Variants in MYLK observed in about 807,000 individuals in gnomAD.
The protein encoded by MYLK is myosin light chain kinase, smooth muscle.
In MYLK, 106 loss-of-function variants were observed where a neutral mutation model predicts 203.4. That is an observed-to-expected ratio of 0.52 (90% CI 0.45 to 0.61). The LOEUF (loss-of-function observed/expected upper bound fraction) is 0.61, where lower values mean the gene tolerates loss of function less well. Ranked by LOEUF, MYLK falls within the 20% of genes least tolerant of loss-of-function variation. The probability of loss-of-function intolerance (pLI) is 0.00; values close to 1 mark genes in which losing one functional copy is unlikely to be tolerated. For missense variants in MYLK, 2,072 were observed against 2,442.3 expected, an observed-to-expected ratio of 0.85 and a Z score of 3.20; for synonymous variants, 867 against 959.5, an observed-to-expected ratio of 0.90 and a Z score of 1.78.
At chr3:123,825,794 A>C (rs1483906447) in intron 3 of MYLK, among the ~76,000 whole-genome samples, 2 of 152,226 alleles carry the variant, frequency 1.3e-5, no homozygotes, top group African/African-American at 4.8e-5. Context: ...CTGGTCCTGT[A>C]CAGCAGGGAA....
chr3:123,807,279 G>A (rs1276039023), intron 3 of MYLK, among the ~76,000 whole-genome samples: 1 of 151,880 alleles, frequency 6.6e-6, no homozygotes, highest in African/African-American at 2.4e-5. Flanking sequence ...AAATACAAAA[G>A]TCAGCTGGGT....
intron 2 of MYLK, among the ~76,000 whole-genome samples, chr3:123,869,656 C>T (rs2032604716): frequency 6.6e-6 from 1 of 152,192 alleles, no homozygotes; most frequent in African/African-American, 2.4e-5. Context: ...TGTTGTCCAC[C>T]ACTCTGCTCA....
chr3:123,791,275 C>T (rs2064770279), intron 4 of MYLK, among the ~76,000 whole-genome samples: 1 of 152,190 alleles, frequency 6.6e-6, no homozygotes, highest in African/African-American at 2.4e-5. Flanking sequence ...CCAGCAACTC[C>T]TGCTCAAAAC....
chr3:123,815,339 A>G (rs1479461372), intron 3 of MYLK, among the ~76,000 whole-genome samples: 6 of 152,142 alleles, frequency 3.9e-5, no homozygotes, highest in African/African-American at 1.4e-4. Context: ...GGATTCCTAC[A>G]TGGTTTGAAG....
At chr3:123,816,473 C>T (rs2065753581) in intron 3 of MYLK, among the ~76,000 whole-genome samples, 1 of 152,166 alleles carries the variant, frequency 6.6e-6, no homozygotes. Flanking sequence ...CAATTGGGTG[C>T]TAAATGAACC....
rs1354794811 is a variant in MYLK at position 123,727,625 on chromosome 3, T to A, written c.1517-1547A>T. On this transcript the variant is annotated intron_variant, in intron 11 of 33. Transcript: ENST00000360304. ...GTTATTATCAAGTAGAAGCTGTGCA[T>A]AGAGACTCTACTTGAGGCAAATATA... Among the ~76,000 whole-genome samples, 3 of 152,258 alleles carry A rather than the reference T, an allele frequency of 2.0e-5. No homozygotes were observed. The East Asian group carries it at 5.8e-4, about 29-fold the overall frequency.
chr3:123,729,728 A>G (rs1417359091), intron 11 of MYLK, among the ~76,000 whole-genome samples: 1 of 152,022 alleles, frequency 6.6e-6, no homozygotes, highest in Non-Finnish European at 1.5e-5. Context: ...AAAAATAAAC[A>G]AAATTAGCTG....
At chr3:123,681,897 TAGG>T (rs1338817900) in intron 20 of MYLK, 1 of 379,598 alleles carries the variant, frequency 2.6e-6, no homozygotes, top group East Asian at 5.6e-5. Context: ...GGGGAGAAAT[TAGG>T]AGGAGCTCTC....
At chr3:123,705,561 C>T (rs2061429611) in intron 16 of MYLK, among the ~76,000 whole-genome samples, 2 of 152,186 alleles carry the variant, frequency 1.3e-5, no homozygotes, top group African/African-American at 4.8e-5. Flanking sequence ...CAGTGTCCCC[C>T]GTTATTAAAT....
At chr3:123,880,781 C>T (rs1231268858) in intron 1 of MYLK, among the ~76,000 whole-genome samples, 2 of 152,160 alleles carry the variant, frequency 1.3e-5, no homozygotes, top group African/African-American at 2.4e-5. Context: ...TCTGGAAACA[C>T]AGCCTTACCT....
chr3:123,715,110 C>T (rs1363554514), intron 13 of MYLK, among the ~76,000 whole-genome samples: 2 of 152,202 alleles, frequency 1.3e-5, no homozygotes, highest in Non-Finnish European at 1.5e-5. Context: ...ATTCTACTGA[C>T]CCATGGAGTT....
At chr3:123,708,131 C>A in intron 15 of MYLK, 128 bp from the exon 16 acceptor site, 8 of 1,348,436 alleles carry the variant, frequency 5.9e-6, no homozygotes, top group Non-Finnish European at 8.3e-6. Flanking sequence ...CCAGAAATCA[C>A]TGTGATTGGA....
chr3:123,848,292 C>T (rs895315424), intron 2 of MYLK, among the ~76,000 whole-genome samples: 3 of 148,122 alleles, frequency 2.0e-5, no homozygotes, highest in Non-Finnish European at 4.5e-5. Context: ...ATCTATATCA[C>T]TTTTTTAATC....
intron 20 of MYLK, 104 bp from the exon 21 acceptor site, chr3:123,667,291 G>C: frequency 9.0e-7 from 1 of 1,105,670 alleles, no homozygotes; most frequent in Non-Finnish European, 1.4e-6. Context: ...CTCATCCAGG[G>C]AGGACTCTTA....
intron 3 of MYLK, 24 bp downstream of exon 3, chr3:123,831,524 A>G: frequency 3.3e-6 from 3 of 913,254 alleles, no homozygotes; most frequent in South Asian, 3.2e-5. Context: ...GGTCAACAGC[A>G]TAATGTAAAC....
chr3:123,663,999 G>T, intron 23 of MYLK, 106 bp downstream of exon 23: 1 of 1,484,872 alleles, frequency 6.7e-7, no homozygotes, highest in Non-Finnish European at 9.4e-7. Context: ...GCACAGGAGT[G>T]GTGAGAGATA....
At chr3:123,711,548 C>T (rs917374455) in intron 13 of MYLK, among the ~76,000 whole-genome samples, 4 of 152,212 alleles carry the variant, frequency 2.6e-5, no homozygotes, top group African/African-American at 9.6e-5. Context: ...GAGGGGACTG[C>T]AGAGTGGCTG....
At chr3:123,679,862 C>A (rs1365938701) in intron 20 of MYLK, among the ~76,000 whole-genome samples, 1 of 152,144 alleles carries the variant, frequency 6.6e-6, no homozygotes, top group East Asian at 1.9e-4. Flanking sequence ...ATGTGAGGGT[C>A]CCCGAGGCAG....
At chr3:123,756,038 G>T (rs1453107490) in intron 4 of MYLK, among the ~76,000 whole-genome samples, 2 of 152,162 alleles carry the variant, frequency 1.3e-5, no homozygotes, top group Non-Finnish European at 2.9e-5. Context: ...TCGTTTTACT[G>T]GGCCCATGTA....
Sources: allele counts gnomAD v4.1 joint callset (sites outside exome capture counted in the v4.1 genomes callset), GRCh38; gene constraint gnomAD v4.1.1; transcripts MANE v1.5; gene names NCBI Gene and HGNC (gene_info 2026-07-23, HGNC 2026-07-21).